MDH1B: variants seen among roughly 807,000 people sequenced by gnomAD.
MDH1B encodes the protein putative malate dehydrogenase 1B.
MDH1B carries 60 observed loss-of-function variants against 61.4 expected under a neutral mutation model. The ratio of observed to expected loss-of-function variants is 0.98; its 90% confidence interval spans 0.79 to 1.21. The LOEUF is 1.21. MDH1B is among the 50% of genes most tolerant of loss of function. The pLI is 0.00. For missense variants in MDH1B, 587 were observed against 632.1 expected, an observed-to-expected ratio of 0.93 and a Z score of 0.76; for synonymous variants, 236 against 218.7, an observed-to-expected ratio of 1.08 and a Z score of -0.70.
At chr2:206,764,578 C>T (rs569256443) in intron 1 of MDH1B, among the ~76,000 whole-genome samples, 1 of 152,326 alleles carries the variant, frequency 6.6e-6, no homozygotes, top group African/African-American at 2.4e-5. Context: ...TGAGTCCTTG[C>T]TGTCAACCAG....
At chr2:206,758,304 A>C (rs1376239164) in intron 2 of MDH1B, among the ~76,000 whole-genome samples, 1 of 152,198 alleles carries the variant, frequency 6.6e-6, no homozygotes, top group Non-Finnish European at 1.5e-5. Flanking sequence ...GACAAGGGAG[A>C]ATTTATTAGT....
At chr2:206,761,096 G>T in intron 1 of MDH1B, 83 bp from the exon 2 acceptor site, 1 of 712,278 alleles carries the variant, frequency 1.4e-6, no homozygotes, top group Non-Finnish European at 2.4e-6. Context: ...TGTAATTACA[G>T]AATTAGTCAT....
At chr2:206,745,252 A>C in intron 9 of MDH1B, 1 of 373,786 alleles carries the variant, frequency 2.7e-6, no homozygotes, top group South Asian at 2.0e-5. Flanking sequence ...TCAAGCCTTC[A>C]GAGAGAGTGT....
chr2:206,746,498 G>A, intron 7 of MDH1B, 72 bp from the exon 8 acceptor site: 4 of 1,460,288 alleles, frequency 2.7e-6, no homozygotes, highest in Non-Finnish European at 3.7e-6. Flanking sequence ...GTTAAGCATT[G>A]TAGAAAATGA....
chr2:206,763,241 C>CTT (rs58200375), intron 1 of MDH1B, among the ~76,000 whole-genome samples: 11 of 141,414 alleles, frequency 7.8e-5, no homozygotes, highest in African/African-American at 7.8e-5. Context: ...TACTCATCCG[C>CTT]TTTTTTTTTT....
intron 9 of MDH1B, among the ~76,000 whole-genome samples, chr2:206,742,476 C>T (rs1324022059): frequency 6.6e-6 from 1 of 152,172 alleles, no homozygotes; most frequent in African/African-American, 2.4e-5. Context: ...TGTCATCAGC[C>T]TTTCCACCTT....
intron 9 of MDH1B, among the ~76,000 whole-genome samples, chr2:206,744,242 A>G (rs1687969660): frequency 6.6e-6 from 1 of 152,224 alleles, no homozygotes; most frequent in Non-Finnish European, 1.5e-5. Flanking sequence ...AGTTGCAGTC[A>G]TCTATATAAT....
At chr2:206,750,798 G>A (rs2359724) in intron 6 of MDH1B, 136 bp downstream of exon 6, 2 of 670,218 alleles carry the variant, frequency 3.0e-6, no homozygotes, top group East Asian at 6.4e-5. Flanking sequence ...TTCTTCAGTA[G>A]ACAGCATGAA....
In MDH1B at chr2:206,761,020, G is replaced by T. The variant is rs747997568; in HGVS notation, c.23-7C>A. 1 of 1,476,132 alleles carries T rather than the reference G, an allele frequency of 6.8e-7. No homozygotes were observed. Among genetic ancestry groups the T allele is most frequent in the Non-Finnish European group, 9.4e-7 (1 of 1,062,804 alleles). 91.4% of individuals were successfully genotyped at this position (1,476,132 alleles called of 1,614,324 possible). ...TATGGACAATCTGCTCTACCTAAAA[G>T]AGTTCAAATTAGCAATGTTTTCTTT... On this transcript the variant is annotated splice_region_variant and splice_polypyrimidine_tract_variant and intron_variant, in intron 1 of 11. Coordinates refer to ENST00000374412, the MANE Select transcript of MDH1B (RefSeq NM_001039845.3).
At chr2:206,761,406 G>A (rs59136983) in intron 1 of MDH1B, among the ~76,000 whole-genome samples, 18,741 of 152,144 alleles carry the variant, frequency 0.12, 1,684 homozygotes, top group African/African-American at 0.26. Flanking sequence ...TGGTGGTAAA[G>A]TCACTTTTGG....
intron 9 of MDH1B, among the ~76,000 whole-genome samples, chr2:206,742,003 A>G (rs1172611899): frequency 6.6e-6 from 1 of 151,994 alleles, no homozygotes; most frequent in Non-Finnish European, 1.5e-5. Context: ...GAGTTTAGTG[A>G]CTCTATACAT....
rs905252924 is a variant in MDH1B, at chr2:206,738,255, C to A, written c.*228G>T. ...AATAGCATTTGACACCAAAATAGTT[C>A]TAAGAAAATGCAATTATTATGAAAC... On this transcript the variant is annotated 3_prime_UTR_variant, in exon 12 of 12. Transcript: ENST00000374412. 1.1e-5 allele frequency: 4 copies of A among 376,926 alleles called. No individual in the cohort carries two copies. Among genetic ancestry groups the A allele is most frequent in the Non-Finnish European group, 1.9e-5 (4 of 209,724 alleles). The allele number at this position is 376,926 out of a possible 1,614,324, so 23.3% of individuals were successfully genotyped here.
chr2:206,746,517 G>T, intron 7 of MDH1B, 91 bp from the exon 8 acceptor site: 1 of 1,322,054 alleles, frequency 7.6e-7, no homozygotes, highest in Non-Finnish European at 1.0e-6. Flanking sequence ...GACAGACATA[G>T]TATAGGATTT....
chr2:206,759,904 T>C (rs1323180537), intron 2 of MDH1B, among the ~76,000 whole-genome samples: 1 of 152,054 alleles, frequency 6.6e-6, no homozygotes, highest in Non-Finnish European at 1.5e-5. Context: ...GTGAGGGAAA[T>C]CTATAATGGA....
At position 206,756,895 on chromosome 2, in the gene MDH1B, CA is replaced by C. The variant is rs773394728; in HGVS notation, c.413+2del. 1 of 1,614,010 alleles carries C rather than the reference CA, an allele frequency of 6.2e-7. No homozygotes were observed. Among genetic ancestry groups the C allele is most frequent in the South Asian group, 1.1e-5 (1 of 91,044 alleles). ...CATGAATCCTGGGATTTGACTGTCC[CA>C]CCTGGTGATCCAGACCTGCAAGGGG... On this transcript the variant is annotated splice_donor_variant, in intron 4 of 11. Coordinates refer to ENST00000374412, the MANE Select transcript of MDH1B (RefSeq NM_001039845.3). LOFTEE classifies it high-confidence loss of function.
intron 1 of MDH1B, among the ~76,000 whole-genome samples, chr2:206,764,703 A>T (rs149333571): frequency 6.6e-6 from 1 of 152,336 alleles, no homozygotes; most frequent in Non-Finnish European, 1.5e-5. Flanking sequence ...TTCAGGATAC[A>T]GTTCAAACAC....
intron 9 of MDH1B, among the ~76,000 whole-genome samples, chr2:206,744,950 A>ATAAAAT (rs1553584058): frequency 3.4e-5 from 5 of 147,614 alleles, no homozygotes; most frequent in Admixed American, 6.8e-5. Context: ...AAATAAATAA[A>ATAAAAT]ATATATATAT....
chr2:206,747,332 T>C (rs1255778334), intron 7 of MDH1B, among the ~76,000 whole-genome samples: 1 of 152,204 alleles, frequency 6.6e-6, no homozygotes, highest in African/African-American at 2.4e-5. Flanking sequence ...ACCTATTTGG[T>C]ATGGTTTCAG....
At chr2:206,764,630 C>T (rs1689321241) in intron 1 of MDH1B, among the ~76,000 whole-genome samples, 1 of 152,298 alleles carries the variant, frequency 6.6e-6, no homozygotes, top group East Asian at 1.9e-4. Context: ...GACAGGCTTC[C>T]TAAAATGCAA....
Sources: gnomAD v4.1 joint callset for allele counts (sites outside exome capture counted in the v4.1 genomes callset) on GRCh38, gnomAD v4.1.1 for gene constraint, MANE v1.5 for transcripts, NCBI Gene and HGNC (gene_info 2026-07-23, HGNC 2026-07-21) for gene names.